The following RORA variants were observed in gnomAD, a reference collection of about 807,000 sequenced individuals.
The protein encoded by RORA is nuclear receptor ROR-alpha.
In RORA, 7 loss-of-function variants were observed where a neutral mutation model predicts 69.5. That is an observed-to-expected ratio of 0.10 (90% CI 0.06 to 0.19). The LOEUF (loss-of-function observed/expected upper bound fraction) is 0.19, where lower values mean the gene tolerates loss of function less well. Ranked by LOEUF, RORA falls within the 10% of genes least tolerant of loss-of-function variation. The pLI, the probability that RORA is intolerant of heterozygous loss-of-function variation, is 1.00. For synonymous variants in RORA, 261 were observed against 240.8 expected (o/e 1.08, Z -0.78); for missense variants, 457 against 663.0 (o/e 0.69, Z 3.41).
chr15:60,828,611 T>A (rs953756937), intron 1 of RORA, among the ~76,000 whole-genome samples: 1 of 152,178 alleles, frequency 6.6e-6, no homozygotes, highest in Non-Finnish European at 1.5e-5. Flanking sequence ...GCATGGGGCC[T>A]CTGTGACCCT....
intron 2 of RORA, among the ~76,000 whole-genome samples, chr15:60,631,712 G>A (rs970016771): frequency 2.6e-5 from 4 of 152,152 alleles, no homozygotes; most frequent in South Asian, 2.1e-4. Flanking sequence ...TGTGCTGTCC[G>A]CATGCCCAGT....
At chr15:61,184,132 G>A (rs546386484) in intron 1 of RORA, among the ~76,000 whole-genome samples, 4 of 152,234 alleles carry the variant, frequency 2.6e-5, no homozygotes, top group Non-Finnish European at 4.4e-5. Flanking sequence ...TGAGTTCCAC[G>A]CATTGCACTG....
chr15:61,222,454 C>A (rs1430639778), intron 1 of RORA, among the ~76,000 whole-genome samples: 2 of 152,202 alleles, frequency 1.3e-5, no homozygotes, highest in African/African-American at 4.8e-5. Flanking sequence ...GCGCAAAAAG[C>A]CGGCCTGACT....
intron 1 of RORA, among the ~76,000 whole-genome samples, chr15:60,887,586 G>A (rs941285345): frequency 2.0e-5 from 3 of 152,224 alleles, no homozygotes; most frequent in South Asian, 2.1e-4. Context: ...CATGTTGGAT[G>A]TAACTCCTGG....
chr15:61,218,674 T>TCA (rs3054672), intron 1 of RORA, among the ~76,000 whole-genome samples: 7,662 of 142,846 alleles, frequency 0.054, 294 homozygotes, highest in African/African-American at 0.1. Flanking sequence ...CTAATATAAC[T>TCA]CACACACACA....
intron 1 of RORA, among the ~76,000 whole-genome samples, chr15:61,219,691 T>A (rs1200821865): frequency 6.6e-6 from 1 of 152,226 alleles, no homozygotes; most frequent in East Asian, 1.9e-4. Context: ...GTCACAGTCT[T>A]GCTGCTTACT....
At chr15:60,694,558 C>A (rs1374559499) in intron 1 of RORA, among the ~76,000 whole-genome samples, 1 of 152,198 alleles carries the variant, frequency 6.6e-6, no homozygotes, top group South Asian at 2.1e-4. Context: ...TCCGTTCTAC[C>A]CACCTTGTAT....
chr15:61,043,521 C>G (rs998648589), intron 1 of RORA, among the ~76,000 whole-genome samples: 1 of 152,204 alleles, frequency 6.6e-6, no homozygotes, highest in African/African-American at 2.4e-5. Context: ...ATGTATTACT[C>G]TAATAGAGTA....
At chr15:60,630,291 T>C (rs919026150) in intron 2 of RORA, among the ~76,000 whole-genome samples, 1 of 152,232 alleles carries the variant, frequency 6.6e-6, no homozygotes, top group Non-Finnish European at 1.5e-5. Context: ...TGTCTAGAAC[T>C]AGCCCAGTGG....
intron 1 of RORA, among the ~76,000 whole-genome samples, chr15:60,740,070 G>A (rs761053377): frequency 6.6e-6 from 1 of 152,272 alleles, no homozygotes; most frequent in Non-Finnish European, 1.5e-5. Context: ...GGAGAGAAAG[G>A]GAGCGGGGGA....
chr15:60,523,052 A>AAAAAAAAAAAACAC (rs1567058725), intron 3 of RORA, among the ~76,000 whole-genome samples: 1 of 148,732 alleles, frequency 6.7e-6, no homozygotes, highest in Non-Finnish European at 1.5e-5. Flanking sequence ...AAAAAACACA[A>AAAAAAAAAAAACAC]AAAAAAAAAC....
intron 2 of RORA, among the ~76,000 whole-genome samples, chr15:60,542,575 C>T (rs758115675): frequency 2.0e-5 from 3 of 148,340 alleles, no homozygotes; most frequent in Non-Finnish European, 4.5e-5. Flanking sequence ...ACACGGCACG[C>T]ATGCACACCT....
intron 2 of RORA, among the ~76,000 whole-genome samples, chr15:60,567,135 C>G (rs1296867337): frequency 6.6e-6 from 1 of 151,508 alleles, no homozygotes; most frequent in African/African-American, 2.4e-5. Flanking sequence ...AAATATGTTT[C>G]TAGCCATTAA....
intron 1 of RORA, among the ~76,000 whole-genome samples, chr15:60,812,378 C>T (rs777535198): frequency 6.6e-5 from 10 of 151,958 alleles, no homozygotes; most frequent in East Asian, 3.9e-4. Context: ...GGCACAGTGG[C>T]GTGTATCTGT....
intron 1 of RORA, among the ~76,000 whole-genome samples, chr15:61,100,062 T>C (rs1280007317): frequency 6.6e-6 from 1 of 152,032 alleles, no homozygotes; most frequent in African/African-American, 2.4e-5. Flanking sequence ...GAGCCAGAAA[T>C]TGTCTCCTTT....
chr15:60,938,139 G>T (rs1189791498), intron 1 of RORA, among the ~76,000 whole-genome samples: 3 of 151,852 alleles, frequency 2.0e-5, no homozygotes, highest in Non-Finnish European at 4.4e-5. Context: ...GATTTTTGAG[G>T]GCCAAAAAGT....
At chr15:60,800,372 G>C (rs1004648214) in intron 1 of RORA, among the ~76,000 whole-genome samples, 4 of 152,332 alleles carry the variant, frequency 2.6e-5, no homozygotes, top group South Asian at 2.1e-4. Context: ...CTGGGATTCA[G>C]TTATGAAGCA....
At chr15:60,765,846 G>T (rs1441287279) in intron 1 of RORA, among the ~76,000 whole-genome samples, 7 of 151,936 alleles carry the variant, frequency 4.6e-5, no homozygotes, top group Non-Finnish European at 7.4e-5. Context: ...TATTTACAGT[G>T]GTGTAACCCG....
chr15:60,591,770 C>T (rs1292363865), intron 2 of RORA, among the ~76,000 whole-genome samples: 1 of 152,130 alleles, frequency 6.6e-6, no homozygotes, highest in Non-Finnish European at 1.5e-5. Context: ...CGCTCCGGCC[C>T]GCGCGCTTTC....
Sources: allele counts gnomAD v4.1 joint callset (sites outside exome capture counted in the v4.1 genomes callset), GRCh38; gene constraint gnomAD v4.1.1; transcripts MANE v1.5; gene names NCBI Gene and HGNC (gene_info 2026-07-23, HGNC 2026-07-21).